RCAN2: variants seen among roughly 807,000 people sequenced by gnomAD.
RCAN2 encodes the protein calcipressin-2.
RCAN2 carries 9 observed loss-of-function variants against 23.6 expected under a neutral mutation model. The observed-to-expected ratio is 0.38, with a 90% CI of 0.23 to 0.67. The LOEUF (loss-of-function observed/expected upper bound fraction) is 0.67, where lower values mean the gene tolerates loss of function less well. Ranked by LOEUF, RCAN2 falls within the 30% of genes least tolerant of loss-of-function variation. The pLI, the probability that RCAN2 is intolerant of heterozygous loss-of-function variation, is 0.51. For synonymous variants in RCAN2, 109 were observed against 115.7 expected (o/e 0.94, Z 0.37); for missense variants, 273 against 302.3 (o/e 0.90, Z 0.72).
rs192872263 is a variant in RCAN2, at chr6:46,313,097, G to A, written c.226-64201C>T. Among the ~76,000 whole-genome samples the A allele has an allele frequency of 3.9e-5, 6 of 152,304 alleles. No individual in the cohort carries two copies. In the East Asian group the frequency reaches 1.2e-3, roughly 29 times the overall value. ...TTCTCTCTGGCATTTCTGCTTTAGT[G>A]TAGGCCTCTTCCTTTCCCATCTTTC... is the stretch of plus-strand genomic sequence containing the variant. On this transcript the variant is annotated intron_variant, in intron 2 of 4. Coordinates refer to ENST00000371374, the MANE Select transcript of RCAN2 (RefSeq NM_001251974.2).
At chr6:46,384,702 G>T (rs1765696646) in intron 2 of RCAN2, among the ~76,000 whole-genome samples, 1 of 152,184 alleles carries the variant, frequency 6.6e-6, no homozygotes, top group Non-Finnish European at 1.5e-5. Context: ...ACATTTACAA[G>T]AAATGCTAAA....
chr6:46,232,147 G>A (rs578174535), intron 4 of RCAN2, among the ~76,000 whole-genome samples: 4 of 152,362 alleles, frequency 2.6e-5, no homozygotes, highest in African/African-American at 9.6e-5. Flanking sequence ...TGATCACTTT[G>A]CTATCCTGCC....
At chr6:46,348,808 T>C (rs566518603) in intron 2 of RCAN2, among the ~76,000 whole-genome samples, 13 of 152,102 alleles carry the variant, frequency 8.5e-5, no homozygotes, top group Non-Finnish European at 1.6e-4. Flanking sequence ...AGGGGAGTGA[T>C]GACAATGCAC....
At chr6:46,386,795 A>T (rs1765769731) in intron 2 of RCAN2, among the ~76,000 whole-genome samples, 1 of 152,096 alleles carries the variant, frequency 6.6e-6, no homozygotes, top group South Asian at 2.1e-4. Flanking sequence ...CATTGCCAAG[A>T]CAATCCTAAG....
intron 2 of RCAN2, chr6:46,325,251 G>T: frequency 1.3e-6 from 1 of 782,444 alleles, no homozygotes; most frequent in Non-Finnish European, 2.0e-6. Flanking sequence ...ACTTAATGCA[G>T]CCATGCACTC....
At chr6:46,355,976 G>C (rs568686072) in intron 2 of RCAN2, among the ~76,000 whole-genome samples, 19 of 152,206 alleles carry the variant, frequency 1.2e-4, no homozygotes, top group Non-Finnish European at 2.6e-4. Flanking sequence ...ACCCCATCCT[G>C]CTGCCTCCGA....
intron 4 of RCAN2, among the ~76,000 whole-genome samples, chr6:46,237,992 T>C (rs1455587840): frequency 6.6e-6 from 1 of 152,196 alleles, no homozygotes; most frequent in African/African-American, 2.4e-5. Flanking sequence ...ATGGAACAGA[T>C]GACCCTTCCC....
Position 46,226,984 on chromosome 6 carries a change from T to G in RCAN2, c.572-3683A>C, listed in dbSNP as rs1339103783. Among the ~76,000 whole-genome samples, 3 of 152,100 alleles carry G rather than the reference T, an allele frequency of 2.0e-5. No homozygotes were observed. The East Asian group carries it at 5.8e-4, about 29-fold the overall frequency. On this transcript the variant is annotated intron_variant, in intron 4 of 4. Transcript: ENST00000371374. ...CCATCAATACCTAATTTATTGAGAGTTTTTAGCATGAAGGGCTGTTGAATT... is the reference window on the plus strand; with the variant it reads ...CCATCAATACCTAATTTATTGAGAGGTTTTAGCATGAAGGGCTGTTGAATT...
At chr6:46,303,430 T>A (rs1355323920) in intron 2 of RCAN2, among the ~76,000 whole-genome samples, 1 of 152,106 alleles carries the variant, frequency 6.6e-6, no homozygotes, top group Non-Finnish European at 1.5e-5. Flanking sequence ...AATCTATGCC[T>A]AATGTAATAA....
chr6:46,297,145 C>G (rs1762749836), intron 2 of RCAN2, among the ~76,000 whole-genome samples: 1 of 152,080 alleles, frequency 6.6e-6, no homozygotes, highest in South Asian at 2.1e-4. Context: ...TGAACTTGCA[C>G]AGCTCTGCAG....
chr6:46,408,014 T>C (rs1766449727), intron 2 of RCAN2, among the ~76,000 whole-genome samples: 1 of 152,152 alleles, frequency 6.6e-6, no homozygotes, highest in Non-Finnish European at 1.5e-5. Context: ...CATCAGTATG[T>C]TGAGATGGAT....
intron 2 of RCAN2, among the ~76,000 whole-genome samples, chr6:46,357,032 C>A (rs373552937): frequency 6.6e-6 from 1 of 152,186 alleles, no homozygotes; most frequent in Non-Finnish European, 1.5e-5. Flanking sequence ...CCCTCTCCAG[C>A]TGTGCAGACT....
chr6:46,448,658 G>T (rs1767784305), intron 2 of RCAN2, among the ~76,000 whole-genome samples: 2 of 151,744 alleles, frequency 1.3e-5, no homozygotes, highest in Admixed American at 6.6e-5. Flanking sequence ...TCACAGAAAA[G>T]CAAGAATAAT....
At chr6:46,236,350 CT>C (rs200507977) in intron 4 of RCAN2, among the ~76,000 whole-genome samples, 1 of 152,122 alleles carries the variant, frequency 6.6e-6, no homozygotes, top group Admixed American at 6.6e-5. Flanking sequence ...ATTTTCTCTC[CT>C]TTTTTTCCTC....
chr6:46,338,397 G>A (rs1425874181), intron 2 of RCAN2, among the ~76,000 whole-genome samples: 2 of 152,126 alleles, frequency 1.3e-5, no homozygotes, highest in African/African-American at 4.8e-5. Flanking sequence ...AAGTTCGGGT[G>A]TGGTGTCTCA....
intron 2 of RCAN2, among the ~76,000 whole-genome samples, chr6:46,332,297 T>A (rs1456109285): frequency 2.0e-5 from 3 of 152,170 alleles, no homozygotes; most frequent in Non-Finnish European, 4.4e-5. Flanking sequence ...ATTTTAAAAA[T>A]TCTTTTTTTA....
At chr6:46,296,056 C>T (rs929287331) in intron 2 of RCAN2, among the ~76,000 whole-genome samples, 1 of 146,078 alleles carries the variant, frequency 6.8e-6, no homozygotes, top group Non-Finnish European at 1.5e-5. Context: ...GGATTACAGT[C>T]CAATAGCTTC....
chr6:46,312,041 G>T (rs1763280758), intron 2 of RCAN2, among the ~76,000 whole-genome samples: 1 of 152,144 alleles, frequency 6.6e-6, no homozygotes, highest in African/African-American at 2.4e-5. Context: ...AGGCAGAGGG[G>T]CTTATCTCCT....
intron 2 of RCAN2, among the ~76,000 whole-genome samples, chr6:46,417,422 AGAG>A (rs1766743538): frequency 6.6e-6 from 1 of 152,222 alleles, no homozygotes; most frequent in African/African-American, 2.4e-5. Flanking sequence ...AAGTCAATAA[AGAG>A]AAACAAATTG....
Sources: allele counts gnomAD v4.1 joint callset (sites outside exome capture counted in the v4.1 genomes callset), GRCh38; gene constraint gnomAD v4.1.1; transcripts MANE v1.5; gene names NCBI Gene and HGNC (gene_info 2026-07-23, HGNC 2026-07-21).